Variants in MACF1 observed in about 807,000 individuals in gnomAD.
The protein encoded by MACF1 is microtubule-actin cross-linking factor 1.
In MACF1, 193 loss-of-function variants were observed where a neutral mutation model predicts 854.8. The observed-to-expected ratio is 0.23, with a 90% confidence interval of 0.20 to 0.25. The LOEUF (loss-of-function observed/expected upper bound fraction) is 0.25. MACF1 is among the 10% of genes least tolerant of loss of function. The probability of loss-of-function intolerance (pLI) is 1.00; values close to 1 mark genes in which losing one functional copy is unlikely to be tolerated. For synonymous variants in MACF1, 3,185 were observed against 3,226.7 expected, an observed-to-expected ratio of 0.99 and a Z score of 0.44; for missense variants, 7,722 against 8,929.1, an observed-to-expected ratio of 0.86 and a Z score of 5.45.
At chr1:39,254,232 G>T (rs1302754564) in intron 4 of MACF1, 66 bp from the exon 5 acceptor site, 2 of 1,335,560 alleles carry the variant, frequency 1.5e-6, no homozygotes, top group Non-Finnish European at 2.1e-6. Flanking sequence ...GGAAATAAAA[G>T]AGAAAGGGTC....
At position 39,224,305 on chromosome 1, in the gene MACF1, T is replaced by C. The variant is rs538685112; in HGVS notation, c.110-6877T>C. On this transcript the variant is annotated intron_variant, in intron 1 of 100. Transcript: ENST00000564288. ...CCTTGGACATCTGAAGAAGCTATAATACAGAATGAAAAGAAAAGAGGGCTA... is the reference window on the plus strand; with the variant it reads ...CCTTGGACATCTGAAGAAGCTATAACACAGAATGAAAAGAAAAGAGGGCTA... Among the ~76,000 whole-genome samples the C allele has an allele frequency of 5.3e-5, 8 of 151,848 alleles. No individual in the cohort carries two copies. In the East Asian group the frequency reaches 1.4e-3, roughly 26 times the overall value.
chr1:39,169,198 G>A (rs568954045), intron 2 of MACF1, among the ~76,000 whole-genome samples: 168 of 152,170 alleles, frequency 1.1e-3, no homozygotes, highest in African/African-American at 3.7e-3. Context: ...TACAGCAACC[G>A]CCTCATATTT....
At chr1:39,290,683 T>C (rs954676792) in intron 15 of MACF1, among the ~76,000 whole-genome samples, 1 of 148,212 alleles carries the variant, frequency 6.7e-6, no homozygotes, top group Non-Finnish European at 1.5e-5. Flanking sequence ...TTTTTTTTTT[T>C]TGAGATGGAG....
chr1:39,307,168 C>G (rs1270166366), intron 23 of MACF1, among the ~76,000 whole-genome samples: 1 of 152,032 alleles, frequency 6.6e-6, no homozygotes, highest in African/African-American at 2.4e-5. Context: ...AGCCACCATG[C>G]CCGCCTGGAA....
At chr1:39,121,594 G>A (rs1164947462) in intron 2 of MACF1, among the ~76,000 whole-genome samples, 7 of 152,054 alleles carry the variant, frequency 4.6e-5, no homozygotes, top group African/African-American at 7.2e-5. Context: ...GACTAGGCGC[G>A]TGCCACCACT....
In MACF1 at chr1:39,333,222, G is replaced by C; in HGVS notation, c.6634G>C (p.Glu2212Gln). 1 of 1,612,620 alleles carries C rather than the reference G, an allele frequency of 6.2e-7. No homozygotes were observed. The highest frequency in any genetic ancestry group is 1.1e-5 in the South Asian group (1 of 90,598). ...AAAGAAAACTCTAGGTATAAAGTTA[G>C]AACTAAAGTCTGAAACTGATGGGAA... ...QVKKTLGIKL[E>Q]LKSETDGNVH... Residue 2212 changes from glutamate (E) to glutamine (Q), a missense_variant, in exon 37 of 101, where the codon GAA becomes CAA. Physicochemically the swap from Glu to Gln is conservative, Grantham distance 29. Transcript: ENST00000564288.
At chr1:39,162,743 A>C (rs891635192) in intron 2 of MACF1, among the ~76,000 whole-genome samples, 4 of 152,174 alleles carry the variant, frequency 2.6e-5, no homozygotes, top group Admixed American at 1.3e-4. Flanking sequence ...TGTGGGGATT[A>C]AATGAGATAG....
chr1:39,385,038 G>T (rs1303776720), intron 56 of MACF1, among the ~76,000 whole-genome samples: 1 of 152,076 alleles, frequency 6.6e-6, no homozygotes, highest in Admixed American at 6.6e-5. Flanking sequence ...GCACTATTTG[G>T]CACAATCCAA....
chr1:39,445,193 C>G (rs975451275), intron 80 of MACF1, among the ~76,000 whole-genome samples: 1 of 152,132 alleles, frequency 6.6e-6, no homozygotes, highest in African/African-American at 2.4e-5. Context: ...TAATTCTCCA[C>G]AAGGAATTTG....
chr1:39,358,234 AGTCTTTATTTCT>A (rs1647765922), intron 45 of MACF1, among the ~76,000 whole-genome samples: 1 of 152,176 alleles, frequency 6.6e-6, no homozygotes, highest in African/African-American at 2.4e-5. Context: ...CCAATTGCAC[AGTCTTTATTTCT>A]GTCTTTATTT....
chr1:39,332,067 G>A lies in MACF1; in HGVS notation c.5479G>A (p.Ala1827Thr), dbSNP rs1455511988. Residue 1827 changes from alanine to threonine, a missense_variant, in exon 37 of 101, where the codon GCA becomes ACA. Transcript: ENST00000564288. ...VTGQRLTIDE[A>T]VSNDLVAAKI... ...GGGGCAAAGGCTAACAATAGATGAA[G>A]CAGTGAGCAATGATCTAGTAGCTGC... 1 of 1,614,092 alleles carries A rather than the reference G, an allele frequency of 6.2e-7. No homozygotes were observed. Among genetic ancestry groups the A allele is most frequent in the South Asian group, 1.1e-5 (1 of 91,056 alleles).
chr1:39,332,012 T>G lies in MACF1; in HGVS notation c.5424T>G (p.Leu1808=). The change falls in exon 37 of 101, where the codon CTT becomes CTG. Residue 1808 remains leucine, a synonymous_variant. Transcript: ENST00000564288. ...DMACAILIRQ[L]QTGGIIDTVT... ...CCTGTGCTATCCTCATAAGGCAGCTTCAGACAGGAGGCATCATAGACACTG... is the reference window on the plus strand; with the variant it reads ...CCTGTGCTATCCTCATAAGGCAGCTGCAGACAGGAGGCATCATAGACACTG... 1.2e-6 allele frequency: 2 copies of G among 1,613,904 alleles called. No individual in the cohort carries two copies. The highest frequency in any genetic ancestry group is 1.7e-6 in the Non-Finnish European group (2 of 1,179,990).
chr1:39,411,647 C>T, intron 58 of MACF1: 1 of 1,613,886 alleles, frequency 6.2e-7, no homozygotes, highest in South Asian at 1.1e-5. Flanking sequence ...CTCTCTGACA[C>T]AGACTCAGTG....
intron 6 of MACF1, among the ~76,000 whole-genome samples, chr1:39,278,319 C>T (rs1275409209): frequency 6.6e-6 from 1 of 152,142 alleles, no homozygotes; most frequent in Admixed American, 6.5e-5. Context: ...TTTTCTCATC[C>T]AGTTTCCAGT....
At chr1:39,371,319 C>CAAA (rs764951315) in intron 51 of MACF1, among the ~76,000 whole-genome samples, 7 of 81,270 alleles carry the variant, frequency 8.6e-5, no homozygotes, top group Admixed American at 1.3e-4. Context: ...GACTCTGTCT[C>CAAA]AAAAAAAAAA....
At chr1:39,411,899 C>T in intron 58 of MACF1, 1 of 1,613,890 alleles carries the variant, frequency 6.2e-7, no homozygotes, top group Non-Finnish European at 8.5e-7. Flanking sequence ...ACCCTGGATT[C>T]TTCTCAGGTG....
intron 47 of MACF1, among the ~76,000 whole-genome samples, chr1:39,359,535 C>T (rs1056504484): frequency 2.6e-5 from 4 of 152,080 alleles, no homozygotes; most frequent in South Asian, 4.1e-4. Context: ...CCAAGTAAAC[C>T]ACTTACATTG....
intron 2 of MACF1, among the ~76,000 whole-genome samples, chr1:39,244,190 T>C (rs1053151578): frequency 5.9e-5 from 9 of 151,998 alleles, no homozygotes; most frequent in Non-Finnish European, 1.0e-4. Context: ...CTGCAACGTC[T>C]CCCTCCTGGG....
intron 31 of MACF1, among the ~76,000 whole-genome samples, chr1:39,321,491 G>A (rs1208493402): frequency 1.3e-5 from 2 of 152,126 alleles, no homozygotes; most frequent in African/African-American, 2.4e-5. Context: ...GCAGAAGGAC[G>A]TTTTAGGCAA....
Sources: allele counts gnomAD v4.1 joint callset (sites outside exome capture counted in the v4.1 genomes callset), GRCh38; gene constraint gnomAD v4.1.1; transcripts MANE v1.5; gene names NCBI Gene and HGNC (gene_info 2026-07-23, HGNC 2026-07-21).